The following CACNB2 variants were observed in gnomAD, a reference collection of about 807,000 sequenced individuals.
CACNB2 encodes voltage-dependent L-type calcium channel subunit beta-2.
In CACNB2, 42 loss-of-function variants were observed where a neutral mutation model predicts 73.3. The observed-to-expected ratio is 0.57, with a 90% CI of 0.45 to 0.74. CACNB2 has a LOEUF of 0.74. CACNB2 is among the 30% of genes least tolerant of loss of function. The probability of loss-of-function intolerance (pLI) is 0.00; values close to 1 mark genes in which losing one functional copy is unlikely to be tolerated. For missense variants in CACNB2, 940 were observed against 853.0 expected, an observed-to-expected ratio of 1.10 and a Z score of -1.27; for synonymous variants, 348 against 310.3, an observed-to-expected ratio of 1.12 and a Z score of -1.28.
chr10:18,289,267 C>G (rs2038944508), intron 2 of CACNB2, among the ~76,000 whole-genome samples: 1 of 141,430 alleles, frequency 7.1e-6, no homozygotes, highest in Non-Finnish European at 1.5e-5. Flanking sequence ...ACGAAGTTGT[C>G]TTCATTTTTT....
intron 2 of CACNB2, among the ~76,000 whole-genome samples, chr10:18,232,173 A>ATATTCC (rs1395791671): frequency 6.6e-6 from 1 of 152,208 alleles, no homozygotes; most frequent in Non-Finnish European, 1.5e-5. Context: ...AGTGAGAAGA[A>ATATTCC]TTTGCCTTAA....
intron 2 of CACNB2, among the ~76,000 whole-genome samples, chr10:18,153,527 C>T (rs2031775985): frequency 6.6e-6 from 1 of 151,524 alleles, no homozygotes. Context: ...TGCAGGAATG[C>T]ATGGCAGATA....
intron 2 of CACNB2, among the ~76,000 whole-genome samples, chr10:18,186,290 A>G (rs1311830837): frequency 1.3e-5 from 2 of 152,030 alleles, no homozygotes; most frequent in Non-Finnish European, 2.9e-5. Context: ...GTGGTGGTGC[A>G]TGCCTGTAAT....
chr10:18,510,684 A>G (rs2050720650), intron 6 of CACNB2, among the ~76,000 whole-genome samples: 1 of 152,196 alleles, frequency 6.6e-6, no homozygotes, highest in Non-Finnish European at 1.5e-5. Context: ...AATTCAACTC[A>G]TGAACTTGAC....
intron 3 of CACNB2, among the ~76,000 whole-genome samples, chr10:18,495,538 ATAAAAACTGTGTG>A (rs1488013485): frequency 1.4e-5 from 2 of 142,200 alleles, no homozygotes; most frequent in African/African-American, 5.6e-5. Context: ...TTTTAAAAGT[ATAAAAACTGTGTG>A]TGTGTGTGTG....
At chr10:18,504,016 G>T (rs767148518) in intron 5 of CACNB2, among the ~76,000 whole-genome samples, 2 of 152,178 alleles carry the variant, frequency 1.3e-5, no homozygotes, top group Non-Finnish European at 2.9e-5. Context: ...GCAGAGGCAG[G>T]CTTGTGTGTC....
intron 2 of CACNB2, among the ~76,000 whole-genome samples, chr10:18,278,635 G>T (rs577999079): frequency 6.6e-6 from 1 of 152,262 alleles, no homozygotes; most frequent in South Asian, 2.1e-4. Context: ...TAAGGGAAAT[G>T]GAGATAGAAA....
intron 2 of CACNB2, among the ~76,000 whole-genome samples, chr10:18,313,275 C>T (rs2040028700): frequency 6.7e-6 from 1 of 149,460 alleles, no homozygotes; most frequent in Non-Finnish European, 1.5e-5. Context: ...AGGTTCTCAG[C>T]CTCAGCACCG....
At chr10:18,158,528 T>C (rs1471722250) in intron 2 of CACNB2, among the ~76,000 whole-genome samples, 5 of 152,198 alleles carry the variant, frequency 3.3e-5, no homozygotes. Context: ...TGAGAACAGA[T>C]ACATGAATGA....
intron 2 of CACNB2, among the ~76,000 whole-genome samples, chr10:18,322,716 AG>A (rs1371513532): frequency 6.6e-6 from 1 of 152,222 alleles, no homozygotes; most frequent in Non-Finnish European, 1.5e-5. Context: ...ATGACATTAA[AG>A]GAATAAATTC....
chr10:18,461,917 G>T (rs868734734), intron 3 of CACNB2, among the ~76,000 whole-genome samples: 42 of 151,944 alleles, frequency 2.8e-4, no homozygotes, highest in African/African-American at 9.9e-4. Flanking sequence ...AGCTGCCTTG[G>T]CATCTGCAAA....
intron 2 of CACNB2, among the ~76,000 whole-genome samples, chr10:18,178,628 T>C (rs565335018): frequency 6.6e-6 from 1 of 152,318 alleles, no homozygotes; most frequent in Non-Finnish European, 1.5e-5. Flanking sequence ...TCATTTAGCA[T>C]GGGTGATAGA....
rs990450260 is a variant in CACNB2, at chr10:18,401,817, A to T, written c.214-107A>T. ...AAATGAATTATTTTCTCCTCTTTTC[A>T]GGAAAGTATAGAACAATCCGGGAAG... is the stretch of plus-strand genomic sequence containing the variant. On this transcript the variant is annotated intron_variant, in intron 2 of 13. Transcript: ENST00000324631. 3.6e-6 allele frequency: 4 copies of T among 1,112,706 alleles called. No homozygotes were observed. In the African/African-American group the frequency reaches 4.6e-5, roughly 13 times the overall value. The allele number at this position is 1,112,706 out of a possible 1,614,324, so 68.9% of individuals were successfully genotyped here.
chr10:18,162,626 C>T (rs1184800364), intron 2 of CACNB2, among the ~76,000 whole-genome samples: 1 of 152,140 alleles, frequency 6.6e-6, no homozygotes. Flanking sequence ...ATTTTGAAAC[C>T]AATTCCCAGT....
At chr10:18,166,401 G>A (rs1375865786) in intron 2 of CACNB2, among the ~76,000 whole-genome samples, 7 of 152,046 alleles carry the variant, frequency 4.6e-5, no homozygotes, top group Admixed American at 3.9e-4. Flanking sequence ...GACTACAGGC[G>A]TGTGTCACCA....
chr10:18,391,943 A>AG (rs1320193736), intron 2 of CACNB2, among the ~76,000 whole-genome samples: 1 of 151,622 alleles, frequency 6.6e-6, no homozygotes, highest in Non-Finnish European at 1.5e-5. Context: ...AAAAAAAAAA[A>AG]AAGAAGGTAA....
intron 2 of CACNB2, among the ~76,000 whole-genome samples, chr10:18,320,209 C>G (rs1252737906): frequency 6.6e-6 from 1 of 152,168 alleles, no homozygotes; most frequent in African/African-American, 2.4e-5. Flanking sequence ...CTTTTATACC[C>G]AATCCTCATG....
At chr10:18,472,133 TC>T (rs1243767760) in intron 3 of CACNB2, among the ~76,000 whole-genome samples, 2 of 152,054 alleles carry the variant, frequency 1.3e-5, no homozygotes, top group East Asian at 3.9e-4. Context: ...TGCTTTCTTT[TC>T]TGCTTGTCTT....
intron 2 of CACNB2, among the ~76,000 whole-genome samples, chr10:18,277,014 G>A (rs534422135): frequency 1.3e-5 from 2 of 152,326 alleles, no homozygotes; most frequent in South Asian, 4.1e-4. Flanking sequence ...CTACTTGGGA[G>A]GCTGAGGTAG....
Sources: allele counts gnomAD v4.1 joint callset (sites outside exome capture counted in the v4.1 genomes callset), GRCh38; gene constraint gnomAD v4.1.1; transcripts MANE v1.5; gene names NCBI Gene and HGNC (gene_info 2026-07-23, HGNC 2026-07-21).